FBXO21: variants seen among roughly 807,000 people sequenced by gnomAD.
FBXO21 encodes F-box protein 21, also known as F-box only protein 21.
In FBXO21, 32 loss-of-function variants were observed where a neutral mutation model predicts 76.6. The observed-to-expected ratio is 0.42, with a 90% CI of 0.32 to 0.56. FBXO21 has a LOEUF of 0.56. Ranked by LOEUF, FBXO21 falls within the 20% of genes least tolerant of loss-of-function variation. The pLI is 0.16. For synonymous variants in FBXO21, 328 were observed against 311.5 expected, an observed-to-expected ratio of 1.05 and a Z score of -0.56; for missense variants, 586 against 797.3, an observed-to-expected ratio of 0.73 and a Z score of 3.19.
chr12:117,181,854 TTGGCCAGGC>T (rs746581727), intron 3 of FBXO21, among the ~76,000 whole-genome samples: 1 of 152,204 alleles, frequency 6.6e-6, no homozygotes, highest in Non-Finnish European at 1.5e-5. Flanking sequence ...TTTCTCCATG[TTGGCCAGGC>T]TGGTCTCGAA....
chr12:117,142,909 G>C lies in FBXO21; in HGVS notation c.*3178C>G, dbSNP rs560120368. 96 of 152,212 alleles carry C rather than the reference G, an allele frequency of 6.3e-4. No individual in the cohort carries two copies. Among genetic ancestry groups the C allele is most frequent in the African/African-American group, 2.3e-3 (94 of 41,534 alleles). The allele number at this position is 152,212 out of a possible 1,614,324, so 9.4% of individuals were successfully genotyped here. On this transcript the variant is annotated 3_prime_UTR_variant, in exon 12 of 12. Transcript: ENST00000622495. ...GATCGGAACACTTACAAATGAGAAC[G>C]GGACTTTAAGTAGATAGTATGCAAT...
chr12:117,183,422 G>T (rs1008067790), intron 3 of FBXO21, among the ~76,000 whole-genome samples: 1 of 152,100 alleles, frequency 6.6e-6, no homozygotes, highest in Non-Finnish European at 1.5e-5. Context: ...ACCATGTCTG[G>T]CTAATTTTTG....
chr12:117,159,506 G>T (rs1955954203), intron 9 of FBXO21, among the ~76,000 whole-genome samples: 1 of 152,056 alleles, frequency 6.6e-6, no homozygotes, highest in Non-Finnish European at 1.5e-5. Flanking sequence ...ACTACAAAAA[G>T]TTCCAAACAC....
chr12:117,146,225 T>A lies in FBXO21; in HGVS notation c.1728A>T (p.Gly576=). Residue 576 remains glycine (G), a synonymous_variant, in exon 12 of 12, where the codon GGA becomes GGT. Transcript: ENST00000622495. ...TGCCAGTAAACTCTGAGAAATAGCGTCCCACGTCAGGGTGTGAGATTTCTT... is the reference window on the plus strand; with the variant it reads ...TGCCAGTAAACTCTGAGAAATAGCGACCCACGTCAGGGTGTGAGATTTCTT... ...EPQEISHPDV[G]RYFSEFTGTH... 1 of 1,613,680 alleles carries A rather than the reference T, an allele frequency of 6.2e-7. No individual in the cohort carries two copies. Among genetic ancestry groups the A allele is most frequent in the Non-Finnish European group, 8.5e-7 (1 of 1,179,920 alleles).
rs564410777 is a variant in FBXO21 at position 117,159,901 on chromosome 12, G to A, written c.1327-1838C>T. 6.6e-5 allele frequency among the ~76,000 whole-genome samples: 10 copies of A among 152,316 alleles called. No individual in the cohort carries two copies. The East Asian group carries it at 9.7e-4, about 15-fold the overall frequency. ...ACCTTCGCTGGATGTGTGGCTGAGC[G>A]CGAAGGGAGAGGGCAGAAATGAAGA... On this transcript the variant is annotated intron_variant, in intron 9 of 11. Coordinates refer to ENST00000622495, the MANE Select transcript of FBXO21 (RefSeq NM_015002.3).
Position 117,157,971 on chromosome 12 carries a change from C to T in FBXO21, c.1419G>A (p.Glu473=). Residue 473 remains glutamate, a synonymous_variant, in exon 10 of 12, where the codon GAG becomes GAA. Transcript: ENST00000622495. ...CTACGCCCACCTCCTCCTTTTTGCGCTCAATGTGCTCTAGAGTGTGCTGCA... is the reference window on the plus strand; with the variant it reads ...CTACGCCCACCTCCTCCTTTTTGCGTTCAATGTGCTCTAGAGTGTGCTGCA... ...YLVQHTLEHI[E]RKKEEVGVEV... is the part of the protein sequence containing the mutation. 3.1e-6 allele frequency: 5 copies of T among 1,614,210 alleles called. No homozygotes were observed. Among genetic ancestry groups the T allele is most frequent in the Non-Finnish European group, 3.4e-6 (4 of 1,180,034 alleles).
In FBXO21 at chr12:117,172,476, T is replaced by G; in HGVS notation, c.1008A>C (p.Ala336=). The G allele has an allele frequency of 6.2e-7, 1 of 1,613,388 alleles. No individual in the cohort carries two copies. The highest frequency in any genetic ancestry group is 8.5e-7 in the Non-Finnish European group (1 of 1,179,636). ...SHFLLRWCQG[A]EGATLDIFDY... is the part of the protein sequence containing the mutation. Reference sequence around the variant, plus strand: ...AATGTGTCACGGATGCTCACCCTTCTGCGCCTTGGCACCACCTTAATAAGA... The same window carrying G: ...AATGTGTCACGGATGCTCACCCTTCGGCGCCTTGGCACCACCTTAATAAGA... The change falls in exon 7 of 12, where the codon GCA becomes GCC. Residue 336 remains alanine (A), a synonymous_variant. Coordinates refer to ENST00000622495, the MANE Select transcript of FBXO21 (RefSeq NM_015002.3).
At chr12:117,161,871 G>C (rs1955981296) in intron 9 of FBXO21, among the ~76,000 whole-genome samples, 1 of 152,228 alleles carries the variant, frequency 6.6e-6, no homozygotes, top group South Asian at 2.1e-4. Flanking sequence ...AAGTAACCGA[G>C]TGTTCCCAGA....
At chr12:117,148,128 G>GA (rs1443438498) in intron 11 of FBXO21, among the ~76,000 whole-genome samples, 2 of 151,332 alleles carry the variant, frequency 1.3e-5, no homozygotes, top group Admixed American at 1.3e-4. Context: ...TCTTTGGGGA[G>GA]AGGGGGAAGG....
chr12:117,151,682 A>T (rs1955844178), intron 11 of FBXO21, among the ~76,000 whole-genome samples: 1 of 152,184 alleles, frequency 6.6e-6, no homozygotes, highest in South Asian at 2.1e-4. Flanking sequence ...CCACGTGATT[A>T]TAACACATTG....
Position 117,174,758 on chromosome 12 carries a change from T to C in FBXO21, c.632A>G (p.Asp211Gly). The C allele has an allele frequency of 6.2e-7, 1 of 1,614,192 alleles. No homozygotes were observed. Among genetic ancestry groups the C allele is most frequent in the Non-Finnish European group, 8.5e-7 (1 of 1,180,028 alleles). Reference protein sequence around the residue: ...YIDQYCNPLSDISLKDIQAQI... With the variant: ...YIDQYCNPLSGISLKDIQAQI... ...GGCCTGGATGTCTTTGAGGCTGATG[T>C]CGGAGAGAGGATTGCAGTACTGGTC... Residue 211 changes from aspartate to glycine, a missense_variant, in exon 5 of 12, where the codon GAC becomes GGC. Physicochemically the swap from Asp to Gly is moderately conservative, Grantham distance 94. This residue lies in a region of FBXO21 where 246 missense variants were observed against 356.8 expected (regional missense o/e 0.69). Transcript: ENST00000622495.
chr12:117,153,167 C>T (rs574602516), intron 11 of FBXO21, among the ~76,000 whole-genome samples: 6 of 151,874 alleles, frequency 4.0e-5, no homozygotes, highest in African/African-American at 7.2e-5. Context: ...GGGGACAGGC[C>T]GGGAGGCAGG....
rs962183117 is a variant in FBXO21, at chr12:117,142,348, A to G, written c.*3739T>C. 4 of 152,094 alleles carry G rather than the reference A, an allele frequency of 2.6e-5. No homozygotes were observed. Among genetic ancestry groups the G allele is most frequent in the Non-Finnish European group, 5.9e-5 (4 of 67,998 alleles). The allele number at this position is 152,094 out of a possible 1,614,324, so 9.4% of individuals were successfully genotyped here. ...ATACAGTGGAATGCTAAGTGCCTAC[A>G]CCCTAGCCGGGGTCAGCCAACTATG... On this transcript the variant is annotated 3_prime_UTR_variant, in exon 12 of 12. Transcript: ENST00000622495.
In FBXO21 at chr12:117,143,478, A is replaced by G. The variant is rs904731041; in HGVS notation, c.*2609T>C. The G allele has an allele frequency of 3.3e-5, 5 of 152,246 alleles. No homozygotes were observed. The highest frequency in any genetic ancestry group is 1.2e-4 in the African/African-American group (5 of 41,462). The allele number at this position is 152,246 out of a possible 1,614,324, so 9.4% of individuals were successfully genotyped here. A position where few individuals can be genotyped will look rare whatever the true frequency, so the allele number is the denominator to read the frequency against. On this transcript the variant is annotated 3_prime_UTR_variant, in exon 12 of 12. Coordinates refer to ENST00000622495, the MANE Select transcript of FBXO21 (RefSeq NM_015002.3). Reference sequence around the variant, plus strand: ...AAATCAACGGCAACAGAACGCACGAAGAACCTGGTTTTCTTTCAAAGCATG... The same window carrying G: ...AAATCAACGGCAACAGAACGCACGAGGAACCTGGTTTTCTTTCAAAGCATG...
chr12:117,176,046 T>C (rs549111471), intron 4 of FBXO21, among the ~76,000 whole-genome samples: 2 of 152,362 alleles, frequency 1.3e-5, no homozygotes, highest in African/African-American at 2.4e-5. Flanking sequence ...CTGAAACAGA[T>C]GTTTCATTTC....
chr12:117,176,978 A>G (rs920710768), intron 4 of FBXO21, among the ~76,000 whole-genome samples: 12 of 150,010 alleles, frequency 8.0e-5, no homozygotes, highest in African/African-American at 3.0e-4. Flanking sequence ...TTTAAAAAAA[A>G]TGGAAGTCTC....
chr12:117,160,014 C>T (rs961573950), intron 9 of FBXO21, among the ~76,000 whole-genome samples: 1 of 152,158 alleles, frequency 6.6e-6, no homozygotes, highest in South Asian at 2.1e-4. Flanking sequence ...GCTAGAATGC[C>T]GCAAGATCAC....
intron 9 of FBXO21, among the ~76,000 whole-genome samples, chr12:117,163,810 G>A: frequency 6.6e-6 from 1 of 152,034 alleles, no homozygotes; most frequent in East Asian, 1.9e-4. Context: ...GTCAGGCGTG[G>A]TGGTGTAGCT....
intron 7 of FBXO21, among the ~76,000 whole-genome samples, chr12:117,169,206 G>A (rs1179288221): frequency 6.6e-6 from 1 of 152,172 alleles, no homozygotes; most frequent in Non-Finnish European, 1.5e-5. Context: ...ATCATCCTTA[G>A]CAAACTAACA....
Sources: allele counts gnomAD v4.1 joint callset (sites outside exome capture counted in the v4.1 genomes callset), GRCh38; gene constraint gnomAD v4.1.1; regional missense constraint gnomAD v4.1.1; transcripts MANE v1.5; gene names NCBI Gene and HGNC (gene_info 2026-07-23, HGNC 2026-07-21).